The following TNKS variants were observed in gnomAD, a reference collection of about 807,000 sequenced individuals.
The protein encoded by TNKS is poly [ADP-ribose] polymerase tankyrase-1.
A neutral mutation model predicts 135.8 loss-of-function variants in TNKS; 72 were observed. The ratio of observed to expected loss-of-function variants is 0.53; its 90% CI spans 0.44 to 0.64. The LOEUF (loss-of-function observed/expected upper bound fraction) is 0.64, where lower values mean the gene tolerates loss of function less well. TNKS is among the 30% of genes least tolerant of loss of function. TNKS has a pLI of 0.00. For missense variants in TNKS, 1,769 were observed against 1,674.0 expected, an observed-to-expected ratio of 1.06 and a Z score of -0.99; for synonymous variants, 849 against 649.3, an observed-to-expected ratio of 1.31 and a Z score of -4.68.
intron 1 of TNKS, 54 bp downstream of exon 1, chr8:9,556,666 G>T: frequency 6.2e-7 from 1 of 1,600,754 alleles, no homozygotes; most frequent in Non-Finnish European, 8.5e-7. Context: ...TGCAGGGTCC[G>T]GTTAGGACAA....
intron 2 of TNKS, among the ~76,000 whole-genome samples, chr8:9,593,573 A>G (rs1563102152): frequency 6.6e-6 from 1 of 152,186 alleles, no homozygotes; most frequent in Non-Finnish European, 1.5e-5. Context: ...CCCCCAAACC[A>G]AAAAACTAAC....
intron 3 of TNKS, among the ~76,000 whole-genome samples, chr8:9,672,069 C>T (rs1802294011): frequency 6.6e-6 from 1 of 152,204 alleles, no homozygotes; most frequent in Non-Finnish European, 1.5e-5. Context: ...GCTATTGCAG[C>T]ACTTGTGTGC....
intron 2 of TNKS, among the ~76,000 whole-genome samples, chr8:9,602,632 C>T (rs1799061238): frequency 6.6e-6 from 1 of 152,142 alleles, no homozygotes; most frequent in African/African-American, 2.4e-5. Flanking sequence ...ATTAGCTGGT[C>T]AAGAATGTCA....
intron 11 of TNKS, chr8:9,710,506 C>T (rs749749905): frequency 1.1e-5 from 6 of 539,284 alleles, no homozygotes; most frequent in Non-Finnish European, 1.3e-5. Flanking sequence ...TCAGTTAATA[C>T]TATACGGATA....
intron 3 of TNKS, among the ~76,000 whole-genome samples, chr8:9,654,463 C>G (rs1801271383): frequency 6.6e-6 from 1 of 152,252 alleles, no homozygotes; most frequent in East Asian, 1.9e-4. Context: ...AGAATTTCAG[C>G]ATTAATGTTT....
At chr8:9,764,579 A>T in intron 22 of TNKS, 137 bp from the exon 23 acceptor site, 1 of 502,426 alleles carries the variant, frequency 2.0e-6, no homozygotes, top group Non-Finnish European at 3.4e-6. Flanking sequence ...TTTCTCACCA[A>T]AAATACTTAT....
At chr8:9,680,219 A>C (rs1278226886) in intron 4 of TNKS, among the ~76,000 whole-genome samples, 1 of 152,164 alleles carries the variant, frequency 6.6e-6, no homozygotes, top group African/African-American at 2.4e-5. Context: ...GGTACCTGTA[A>C]ACCCTAGTTG....
intron 2 of TNKS, among the ~76,000 whole-genome samples, chr8:9,593,881 T>G (rs1250473488): frequency 2.0e-5 from 3 of 150,596 alleles, no homozygotes; most frequent in East Asian, 3.9e-4. Context: ...TATTTATTTA[T>G]TATTATTATT....
chr8:9,619,956 A>T (rs1416178726), intron 3 of TNKS, among the ~76,000 whole-genome samples: 8 of 141,802 alleles, frequency 5.6e-5, no homozygotes, highest in South Asian at 2.2e-4. Flanking sequence ...ATTTTTATTT[A>T]TTTTTTTTTT....
chr8:9,725,831 G>A (rs917073771), intron 12 of TNKS, among the ~76,000 whole-genome samples: 6 of 152,108 alleles, frequency 3.9e-5, no homozygotes, highest in African/African-American at 1.4e-4. Flanking sequence ...TTGGGTCAAT[G>A]TGAAATGAAT....
chr8:9,665,304 A>G (rs1801935481), intron 3 of TNKS, among the ~76,000 whole-genome samples: 4 of 152,210 alleles, frequency 2.6e-5, no homozygotes, highest in African/African-American at 9.6e-5. Flanking sequence ...ACTGTTTTTG[A>G]GGGGAGAAGG....
At chr8:9,586,416 T>C (rs2129054662) in intron 2 of TNKS, among the ~76,000 whole-genome samples, 1 of 152,322 alleles carries the variant, frequency 6.6e-6, no homozygotes, top group South Asian at 2.1e-4. Context: ...ATAGGATTTC[T>C]GCTGTTTTTT....
intron 1 of TNKS, among the ~76,000 whole-genome samples, chr8:9,568,025 T>C (rs941195948): frequency 2.6e-5 from 4 of 152,232 alleles, no homozygotes; most frequent in Admixed American, 6.5e-5. Flanking sequence ...ACACGAAATA[T>C]GGAAAATAGT....
In TNKS at chr8:9,691,121, ATTC is replaced by A. The variant is rs1326156642; in HGVS notation, c.1107+10326_1107+10328del. On this transcript the variant is annotated intron_variant, in intron 5 of 26. Transcript: ENST00000310430. ...GTGTAACCAAGAAGGTAGTCAGAAA[ATTC>A]TTCTCTAATAAGCAGTTGAAGTAAC... 2.6e-5 allele frequency among the ~76,000 whole-genome samples: 4 copies of A among 152,330 alleles called. No homozygotes were observed. The East Asian group carries it at 7.7e-4, about 29-fold the overall frequency.
intron 1 of TNKS, chr8:9,556,820 C>A (rs1815335839): frequency 3.4e-6 from 2 of 591,180 alleles, no homozygotes; most frequent in South Asian, 2.0e-5. Flanking sequence ...CCAAGGAATT[C>A]TTCAGTGGTT....
chr8:9,599,597 T>C (rs2128758284), intron 2 of TNKS, among the ~76,000 whole-genome samples: 1 of 152,326 alleles, frequency 6.6e-6, no homozygotes, highest in Middle Eastern at 3.4e-3. Flanking sequence ...CAATCTTACA[T>C]TTATTCCAGT....
chr8:9,608,431 C>A (rs868361163), intron 2 of TNKS, among the ~76,000 whole-genome samples: 1 of 151,602 alleles, frequency 6.6e-6, no homozygotes. Flanking sequence ...GTTAACAAGG[C>A]GATTTTTTTT....
intron 3 of TNKS, among the ~76,000 whole-genome samples, chr8:9,626,513 C>G (rs1800059891): frequency 6.6e-6 from 1 of 152,156 alleles, no homozygotes. Context: ...TATTGGTTGT[C>G]TTTTTTATTC....
Position 9,556,188 on chromosome 8 carries a change from G to A in TNKS, c.249G>A (p.Pro83=). 1.2e-6 allele frequency: 2 copies of A among 1,613,370 alleles called. No individual in the cohort carries two copies. Among genetic ancestry groups the A allele is most frequent in the Non-Finnish European group, 1.7e-6 (2 of 1,179,546 alleles). ...DPPDRPRSPD[P]VDGTSCCSTT... ...CCGACAGGCCCCGATCCCCGGACCC[G>A]GTTGACGGTACCAGCTGTTGCAGTA... is the stretch of plus-strand genomic sequence containing the variant. Residue 83 remains proline (P), a synonymous_variant, in exon 1 of 27, where the codon CCG becomes CCA. Transcript: ENST00000310430.
Sources: allele counts gnomAD v4.1 joint callset (sites outside exome capture counted in the v4.1 genomes callset), GRCh38; gene constraint gnomAD v4.1.1; transcripts MANE v1.5; gene names NCBI Gene and HGNC (gene_info 2026-07-23, HGNC 2026-07-21).